The following ULK4 variants were observed in gnomAD, a reference collection of about 807,000 sequenced individuals.
The protein encoded by ULK4 is inactive serine/threonine-protein kinase ULK4.
A neutral mutation model predicts 160.6 loss-of-function variants in ULK4; 133 were observed. The ratio of observed to expected loss-of-function variants is 0.83; its 90% CI spans 0.72 to 0.96. The LOEUF (loss-of-function observed/expected upper bound fraction) is 0.96, where lower values mean the gene tolerates loss of function less well. Ranked by LOEUF, ULK4 falls within the 40% of genes least tolerant of loss-of-function variation. The pLI is 0.00. For synonymous variants in ULK4, 534 were observed against 539.8 expected (o/e 0.99, Z 0.15); for missense variants, 1,580 against 1,499.5 (o/e 1.05, Z -0.89).
chr3:41,828,318 G>A (rs2041442915), intron 18 of ULK4, among the ~76,000 whole-genome samples: 2 of 149,324 alleles, frequency 1.3e-5, no homozygotes, highest in South Asian at 2.1e-4. Flanking sequence ...GCAGGAGAAG[G>A]AAATAAAGGG....
chr3:41,694,287 T>C (rs2125811807), intron 27 of ULK4, among the ~76,000 whole-genome samples: 1 of 152,238 alleles, frequency 6.6e-6, no homozygotes, highest in Non-Finnish European at 1.5e-5. Flanking sequence ...CGTATAGCCG[T>C]CCCTCAGTAT....
At chr3:41,456,752 C>T (rs939321108) in intron 33 of ULK4, among the ~76,000 whole-genome samples, 2 of 152,188 alleles carry the variant, frequency 1.3e-5, no homozygotes, top group Non-Finnish European at 2.9e-5. Context: ...TCAATAATGA[C>T]CTTTGCCAGA....
At chr3:41,928,450 A>T (rs1362271439) in intron 5 of ULK4, among the ~76,000 whole-genome samples, 1 of 151,908 alleles carries the variant, frequency 6.6e-6, no homozygotes, top group Non-Finnish European at 1.5e-5. Context: ...ACAAGAGAAG[A>T]GCAAACAAAT....
chr3:41,788,558 CG>C (rs2040059866), intron 21 of ULK4, among the ~76,000 whole-genome samples: 3 of 152,124 alleles, frequency 2.0e-5, no homozygotes, highest in Admixed American at 2.0e-4. Flanking sequence ...GGCGTGGTGG[CG>C]GGTACCTATA....
chr3:41,911,331 G>C lies in ULK4; in HGVS notation c.1071C>G (p.Ser357=). 1 of 1,613,792 alleles carries C rather than the reference G, an allele frequency of 6.2e-7. No individual in the cohort carries two copies. Among genetic ancestry groups the C allele is most frequent in the Non-Finnish European group, 8.5e-7 (1 of 1,179,964 alleles). The part of the protein sequence containing the change: ...KSTLEGQLNE[S]MFLLSSRPTP... ...ATTTTACCTACCTGAGAAGAAACAT[G>C]GATTCATTCAATTGACCCTCAAGAG... The change falls in exon 11 of 37, where the codon TCC becomes TCG. Residue 357 remains serine, a synonymous_variant. Transcript: ENST00000301831.
At chr3:41,926,946 T>C (rs1699406890) in intron 5 of ULK4, among the ~76,000 whole-genome samples, 1 of 152,150 alleles carries the variant, frequency 6.6e-6, no homozygotes. Flanking sequence ...CCAGGAGAAC[T>C]TCCCCAACCT....
chr3:41,399,053 G>A (rs1395586458), intron 34 of ULK4, among the ~76,000 whole-genome samples: 2 of 152,082 alleles, frequency 1.3e-5, no homozygotes, highest in African/African-American at 4.8e-5. Flanking sequence ...TTTACCTACT[G>A]ACCCGCTTCA....
chr3:41,753,864 G>A (rs570735396), intron 22 of ULK4, among the ~76,000 whole-genome samples: 22 of 152,288 alleles, frequency 1.4e-4, no homozygotes, highest in African/African-American at 5.1e-4. Context: ...TCACACTGCT[G>A]GGGAGGCCTC....
chr3:41,814,253 A>G, intron 19 of ULK4, among the ~76,000 whole-genome samples: 1 of 152,246 alleles, frequency 6.6e-6, no homozygotes, highest in East Asian at 1.9e-4. Context: ...TGACTGCTTT[A>G]CACCATACAA....
At chr3:41,804,475 T>C (rs1016389238) in intron 19 of ULK4, among the ~76,000 whole-genome samples, 11 of 150,970 alleles carry the variant, frequency 7.3e-5, no homozygotes, top group African/African-American at 2.4e-4. Flanking sequence ...GTGCAGAAGC[T>C]CTTTAGTTTA....
At chr3:41,718,717 T>C (rs984886105) in intron 22 of ULK4, among the ~76,000 whole-genome samples, 5 of 152,204 alleles carry the variant, frequency 3.3e-5, no homozygotes, top group African/African-American at 7.2e-5. Context: ...ACCCAACTTT[T>C]ACTTCTCAGG....
At chr3:41,799,277 T>C (rs980243568) in intron 20 of ULK4, among the ~76,000 whole-genome samples, 8 of 152,164 alleles carry the variant, frequency 5.3e-5, no homozygotes, top group Non-Finnish European at 7.3e-5. Context: ...ATTTGTTCAA[T>C]AGAGTATTAA....
chr3:41,661,531 A>AATAG (rs973517011), intron 30 of ULK4, among the ~76,000 whole-genome samples: 3 of 148,384 alleles, frequency 2.0e-5, no homozygotes, highest in Non-Finnish European at 4.4e-5. Context: ...TAGATAGATA[A>AATAG]ATAGATAGAT....
intron 32 of ULK4, among the ~76,000 whole-genome samples, chr3:41,477,229 G>C (rs2084171382): frequency 6.6e-6 from 1 of 152,156 alleles, no homozygotes; most frequent in South Asian, 2.1e-4. Flanking sequence ...CTCTCCGTAA[G>C]TTATTTTCAA....
chr3:41,958,496 GT>G (rs1337461184), intron 1 of ULK4, among the ~76,000 whole-genome samples: 2 of 151,006 alleles, frequency 1.3e-5, no homozygotes, highest in African/African-American at 4.9e-5. Flanking sequence ...GAGGTCACAA[GT>G]TCAGGACCAG....
intron 20 of ULK4, among the ~76,000 whole-genome samples, chr3:41,799,472 G>A (rs2040393664): frequency 6.6e-6 from 1 of 152,134 alleles, no homozygotes; most frequent in Non-Finnish European, 1.5e-5. Flanking sequence ...AAATCTGAAT[G>A]GGGATGCTAA....
At chr3:41,670,619 A>G (rs1224429886) in intron 29 of ULK4, among the ~76,000 whole-genome samples, 2 of 152,042 alleles carry the variant, frequency 1.3e-5, no homozygotes, top group East Asian at 3.8e-4. Context: ...ATACACATAT[A>G]CATATATATA....
chr3:41,827,191 C>T (rs1269528397), intron 18 of ULK4, among the ~76,000 whole-genome samples: 2 of 144,460 alleles, frequency 1.4e-5, no homozygotes, highest in Non-Finnish European at 3.0e-5. Context: ...GCACTAAATG[C>T]CCACAAGAGA....
rs1421988814 is a variant in ULK4, at chr3:41,663,686, G to C, written c.2992C>G (p.Leu998Val). 8.7e-6 allele frequency: 14 copies of C among 1,613,800 alleles called. No homozygotes were observed. Among genetic ancestry groups the C allele is most frequent in the Non-Finnish European group, 1.1e-5 (13 of 1,179,778 alleles). Residue 998 changes from leucine to valine, a missense_variant, in exon 30 of 37, where the codon CTT becomes GTT. Transcript: ENST00000301831. Reference protein sequence around the residue: ...DVLLPQYEHILLEPDPVPAYA... With the variant: ...DVLLPQYEHIVLEPDPVPAYA... The stretch of plus-strand genomic sequence containing the variant: ...GCTGGTACTGGGTCAGGTTCTAAAA[G>C]AATGTGCTCATACCTGAAATGGTAA...
Sources: allele counts gnomAD v4.1 joint callset (sites outside exome capture counted in the v4.1 genomes callset), GRCh38; gene constraint gnomAD v4.1.1; transcripts MANE v1.5; gene names NCBI Gene and HGNC (gene_info 2026-07-23, HGNC 2026-07-21).